SACS: variants seen among roughly 807,000 people sequenced by gnomAD.
SACS encodes sacsin molecular chaperone, also known as sacsin.
A neutral mutation model predicts 348.0 loss-of-function variants in SACS; 197 were observed. The ratio of observed to expected loss-of-function variants is 0.57; its 90% confidence interval spans 0.50 to 0.64. The LOEUF (loss-of-function observed/expected upper bound fraction) is 0.64. SACS is among the 30% of genes least tolerant of loss of function. The pLI, the probability that SACS is intolerant of heterozygous loss-of-function variation, is 0.00. For synonymous variants in SACS, 1,985 were observed against 1,910.6 expected, an observed-to-expected ratio of 1.04 and a Z score of -1.02; for missense variants, 4,999 against 5,360.8, an observed-to-expected ratio of 0.93 and a Z score of 2.11.
In SACS at chr13:23,330,977, A is replaced by T. The variant is rs1359169465; in HGVS notation, c.12899T>A (p.Val4300Asp). The T allele has an allele frequency of 2.5e-6, 4 of 1,613,986 alleles. No individual in the cohort carries two copies. Among genetic ancestry groups the T allele is most frequent in the Non-Finnish European group, 3.4e-6 (4 of 1,179,998 alleles). The change falls in exon 10 of 10, where the codon GTT (valine) becomes GAT (aspartate). Residue 4300 changes from valine to aspartate, a missense_variant. Transcript: ENST00000382292. ...TTTTAAGATTTCTGGTAAAGAATTAACCTTAAGCTTTTTGGGGGACTGATG... is the reference window on the plus strand; with the variant it reads ...TTTTAAGATTTCTGGTAAAGAATTATCCTTAAGCTTTTTGGGGGACTGATG... ...SKHQSPKKLK[V>D]NSLPEILKEV...
At chr13:23,388,266 G>A (rs888205453) in intron 2 of SACS, among the ~76,000 whole-genome samples, 15 of 151,102 alleles carry the variant, frequency 9.9e-5, no homozygotes, top group Middle Eastern at 3.4e-3. Flanking sequence ...CCGGGCAGGC[G>A]GAGTTTGCAG....
intron 2 of SACS, among the ~76,000 whole-genome samples, chr13:23,400,355 T>C (rs899332211): frequency 3.9e-5 from 6 of 152,174 alleles, no homozygotes; most frequent in African/African-American, 1.2e-4. Context: ...ACCCCTTAGA[T>C]AGGAATTTGG....
At chr13:23,392,125 C>T (rs183750704) in intron 2 of SACS, among the ~76,000 whole-genome samples, 109 of 152,288 alleles carry the variant, frequency 7.2e-4, no homozygotes, top group Non-Finnish European at 8.4e-4. Context: ...GGACCTCAGA[C>T]GGTCAGGAGG....
At chr13:23,353,030 C>G (rs1870069249) in intron 9 of SACS, among the ~76,000 whole-genome samples, 1 of 146,430 alleles carries the variant, frequency 6.8e-6, no homozygotes, top group East Asian at 1.9e-4. Flanking sequence ...GCAGGACAAA[C>G]CCAGAACTTT....
chr13:23,340,028 T>A lies in SACS; in HGVS notation c.3848A>T (p.Lys1283Met), dbSNP rs1428613427. Residue 1283 changes from lysine to methionine, a missense_variant, in exon 10 of 10, where the codon AAG (lysine) becomes ATG (methionine). Physicochemically the swap from Lys to Met is moderately conservative, Grantham distance 95 (BLOSUM62 -1). Around this residue, in one of 6 missense-constraint regions of SACS, gnomAD observed 3,156 missense variants for 3,380.1 expected, o/e 0.93. Transcript: ENST00000382292. ...CACAGCCTGGGCAAGTGGACAAAAC[T>A]TTTTGCCAGTCCAAACCCATGGAAA... ...LKFPWVWTGK[K>M]FCPLAQAVIK... 3.1e-6 allele frequency: 5 copies of A among 1,613,716 alleles called. No individual in the cohort carries two copies. Among genetic ancestry groups the A allele is most frequent in the Non-Finnish European group, 4.2e-6 (5 of 1,179,856 alleles).
At chr13:23,364,602 AAC>A (rs1454743120) in intron 6 of SACS, among the ~76,000 whole-genome samples, 1 of 152,224 alleles carries the variant, frequency 6.6e-6, no homozygotes, top group Non-Finnish European at 1.5e-5. Flanking sequence ...ACAATTTATG[AAC>A]ATTCTTTTTG....
intron 7 of SACS, 119 bp downstream of exon 7, chr13:23,358,216 C>T (rs1870514118): frequency 1.9e-6 from 2 of 1,042,742 alleles, no homozygotes; most frequent in Admixed American, 1.8e-5. Context: ...CTGCTACTGA[C>T]AGAAGAATTT....
chr13:23,398,399 T>C (rs984693945), intron 2 of SACS, among the ~76,000 whole-genome samples: 5 of 150,686 alleles, frequency 3.3e-5, no homozygotes, highest in Non-Finnish European at 5.9e-5. Flanking sequence ...CGAGGCGTGG[T>C]GGTGCATGCC....
At position 23,349,519 on chromosome 13, in the gene SACS, T is replaced by G. The variant is rs187645857; in HGVS notation, c.2185+4266A>C. ...TATGTTAAACTATATGTATTACGTA[T>G]TCATCATTCGATCTTCAGCATAATG... On this transcript the variant is annotated intron_variant, in intron 9 of 9. Coordinates refer to ENST00000382292, the MANE Select transcript of SACS (RefSeq NM_014363.6). Among the ~76,000 whole-genome samples the G allele has an allele frequency of 4.8e-3, 732 of 152,348 alleles. 2 individuals carry two copies. Among genetic ancestry groups the G allele is most frequent in the South Asian group, 0.017 (83 of 4,828 alleles).
chr13:23,427,651 G>A (rs1185941575), intron 1 of SACS: 1 of 152,274 alleles, frequency 6.6e-6, no homozygotes, highest in Non-Finnish European at 1.5e-5. Flanking sequence ...AATAATGGGA[G>A]CTGTTCCCTG....
chr13:23,426,253 A>C (rs1472412713), intron 1 of SACS, among the ~76,000 whole-genome samples: 1 of 152,222 alleles, frequency 6.6e-6, no homozygotes, highest in Non-Finnish European at 1.5e-5. Context: ...CCCCTTACAC[A>C]GCCTCAGGAA....
rs79586105 is a variant in SACS at position 23,381,987 on chromosome 13, T to C, written c.21-6718A>G. Among the ~76,000 whole-genome samples the C allele has an allele frequency of 5.3e-3, 814 of 152,324 alleles. 4 individuals carry two copies. The highest frequency in any genetic ancestry group is 0.019 in the African/African-American group (775 of 41,566). Reference sequence around the variant, plus strand: ...CCCAATTTATTTTCTTTGCCTATTATTAAAAGAGGAGCATGCTACAGTCTT... The same window carrying C: ...CCCAATTTATTTTCTTTGCCTATTACTAAAAGAGGAGCATGCTACAGTCTT... On this transcript the variant is annotated intron_variant, in intron 2 of 9. Coordinates refer to ENST00000382292, the MANE Select transcript of SACS (RefSeq NM_014363.6).
At position 23,337,690 on chromosome 13, in the gene SACS, A is replaced by G. The variant is rs755689089; in HGVS notation, c.6186T>C (p.Phe2062=). 1.2e-6 allele frequency: 2 copies of G among 1,612,740 alleles called. No homozygotes were observed. The highest frequency in any genetic ancestry group is 1.3e-5 in the African/African-American group (1 of 74,806). The change falls in exon 10 of 10, where the codon TTT becomes TTC. Residue 2062 remains phenylalanine, a synonymous_variant. Transcript: ENST00000382292. Reference sequence around the variant, plus strand: ...CTGCTTCAATTTCTTGAATATTTGGAAAAAACACTTCAGAAAAAAACTGTT... The same window carrying G: ...CTGCTTCAATTTCTTGAATATTTGGGAAAAACACTTCAGAAAAAAACTGTT... ...SEKQFFSEVF[F]PNIQEIEAEL...
At chr13:23,360,750 G>GA (rs1870679755) in intron 6 of SACS, among the ~76,000 whole-genome samples, 1 of 111,158 alleles carries the variant, frequency 9.0e-6, no homozygotes, top group Non-Finnish European at 1.7e-5. Flanking sequence ...CACTCTCCAA[G>GA]GTACTTTTTT....
chr13:23,370,682 G>T (rs891753739), intron 4 of SACS, among the ~76,000 whole-genome samples: 3 of 152,170 alleles, frequency 2.0e-5, no homozygotes, highest in Non-Finnish European at 4.4e-5. Context: ...CTCAATCTCG[G>T]CTGGGAGCGG....
In SACS at chr13:23,335,032, AG is replaced by A. The variant is rs759140023; in HGVS notation, c.8843del (p.Pro2948LeufsTer5). The A allele has an allele frequency of 1.9e-6, 3 of 1,613,384 alleles. No individual in the cohort carries two copies. Among genetic ancestry groups the A allele is most frequent in the Non-Finnish European group, 2.5e-6 (3 of 1,179,426 alleles). The stretch of plus-strand genomic sequence containing the variant: ...TTAAAGTGTCCTTTACAACATGAAT[AG>A]GGGTGTTCTGTAACACTGATAATGT... ...DPTLSVLQNT[P>X]IHVVKDTLKK... On this transcript the variant is annotated frameshift_variant, in exon 10 of 10. Transcript: ENST00000382292. LOFTEE classifies it high-confidence loss of function. The surrounding 1 kb of genome is among the most constrained non-coding windows in gnomAD (Gnocchi z 4.7).
chr13:23,414,635 A>G (rs1041555008), intron 1 of SACS, among the ~76,000 whole-genome samples: 2 of 152,260 alleles, frequency 1.3e-5, no homozygotes, highest in Non-Finnish European at 2.9e-5. Context: ...ACTGCTAAAC[A>G]GCATAGAGCT....
In SACS at chr13:23,411,540, T is replaced by C. The variant is rs185517216; in HGVS notation, c.-301A>G. On this transcript the variant is annotated 5_prime_UTR_variant, in exon 2 of 10. Transcript: ENST00000382292. Reference sequence around the variant, plus strand: ...AACAGTGTGGATTCGCTAAAGGTTTTTGGCTTTCCCCCAGAGCAAAATCAA... The same window carrying C: ...AACAGTGTGGATTCGCTAAAGGTTTCTGGCTTTCCCCCAGAGCAAAATCAA... The C allele has an allele frequency of 8.6e-5, 31 of 359,748 alleles. No individual in the cohort carries two copies. In the East Asian group the frequency reaches 1.5e-3, roughly 17 times the overall value. 22.3% of individuals were successfully genotyped at this position (359,748 alleles called of 1,614,324 possible). A position where few individuals can be genotyped will look rare whatever the true frequency, so the allele number is the denominator to read the frequency against.
intron 1 of SACS, among the ~76,000 whole-genome samples, chr13:23,416,667 G>C (rs1258062629): frequency 6.6e-6 from 1 of 151,426 alleles, no homozygotes; most frequent in Non-Finnish European, 1.5e-5. Context: ...TGAGGCAAGG[G>C]AATTGCTTGA....
Sources: gnomAD v4.1 joint callset for allele counts (sites outside exome capture counted in the v4.1 genomes callset) on GRCh38, gnomAD v4.1.1 for gene constraint, gnomAD v4.1.1 regional missense constraint, Gnocchi (gnomAD v3.1) non-coding constraint, MANE v1.5 for transcripts, NCBI Gene and HGNC (gene_info 2026-07-23, HGNC 2026-07-21) for gene names.